Variants in EFCAB6 observed in about 807,000 individuals in gnomAD.
The protein encoded by EFCAB6 is EF-hand calcium-binding domain-containing protein 6.
In EFCAB6, 156 loss-of-function variants were observed where a neutral mutation model predicts 169.8. The observed-to-expected ratio is 0.92, with a 90% CI of 0.81 to 1.05. The LOEUF (loss-of-function observed/expected upper bound fraction) is 1.05, where lower values mean the gene tolerates loss of function less well. Among genes scored for constraint, EFCAB6 ranks in the 50% least tolerant of loss-of-function variants. The pLI, the probability that EFCAB6 is intolerant of heterozygous loss-of-function variation, is 0.00. For missense variants in EFCAB6, 1,800 were observed against 1,829.1 expected (o/e 0.98, Z 0.29); for synonymous variants, 698 against 676.4 (o/e 1.03, Z -0.50).
intron 27 of EFCAB6, among the ~76,000 whole-genome samples, chr22:43,542,223 G>A (rs2047774303): frequency 6.6e-6 from 1 of 152,232 alleles, no homozygotes; most frequent in Admixed American, 6.5e-5. Flanking sequence ...CAATCCCAGG[G>A]CTCCCACCTA....
chr22:43,782,447 T>C, intron 2 of EFCAB6, 122 bp from the exon 3 acceptor site: 1 of 800,490 alleles, frequency 1.2e-6, no homozygotes, highest in Non-Finnish European at 1.9e-6. Context: ...ATGCTAGTCA[T>C]AATCTGCTTT....
intron 20 of EFCAB6, among the ~76,000 whole-genome samples, chr22:43,616,501 A>G (rs2053697251): frequency 6.6e-6 from 1 of 152,174 alleles, no homozygotes; most frequent in South Asian, 2.1e-4. Context: ...CGTCTCTACT[A>G]AAAATACAAA....
Position 43,687,509 on chromosome 22 carries a change from C to T in EFCAB6, c.1104G>A (p.Leu368=), listed in dbSNP as rs771215348. The change falls in exon 11 of 32, where the codon TTG becomes TTA. Residue 368 remains leucine, a synonymous_variant. Coordinates refer to ENST00000262726, the MANE Select transcript of EFCAB6 (RefSeq NM_022785.4). ...FLTSFHEPQG[L]QVSSKGPLTK... is the part of the protein sequence containing the mutation. ...TCAGGGGACCTTTACTGCTAACTTGCAACCCCTGAGGCTCATGAAATGATG... is the reference window on the plus strand; with the variant it reads ...TCAGGGGACCTTTACTGCTAACTTGTAACCCCTGAGGCTCATGAAATGATG... 6.3e-6 allele frequency: 10 copies of T among 1,586,946 alleles called. No homozygotes were observed. The Admixed American group carries it at 1.2e-4, about 19-fold the overall frequency.
chr22:43,596,280 C>T (rs1401922348), intron 23 of EFCAB6, among the ~76,000 whole-genome samples: 1 of 151,730 alleles, frequency 6.6e-6, no homozygotes, highest in Non-Finnish European at 1.5e-5. Flanking sequence ...AAAGCGCATC[C>T]AAATTGGAAA....
intron 15 of EFCAB6, among the ~76,000 whole-genome samples, chr22:43,670,951 A>G (rs990137183): frequency 5.9e-5 from 9 of 152,232 alleles, no homozygotes; most frequent in Non-Finnish European, 1.3e-4. Context: ...GGCTTTGTGT[A>G]TAAGATCTCA....
chr22:43,587,604 C>T (rs2051163856), intron 24 of EFCAB6, among the ~76,000 whole-genome samples: 1 of 151,874 alleles, frequency 6.6e-6, no homozygotes, highest in Non-Finnish European at 1.5e-5. Context: ...GTCAAATCTC[C>T]CTCTGCCTCC....
intron 8 of EFCAB6, among the ~76,000 whole-genome samples, chr22:43,722,258 G>T (rs2059558742): frequency 6.6e-6 from 1 of 152,076 alleles, no homozygotes; most frequent in Non-Finnish European, 1.5e-5. Flanking sequence ...AGGGCGTGGT[G>T]GCTCACACCT....
chr22:43,536,234 C>A (rs895596606), intron 29 of EFCAB6: 1 of 152,076 alleles, frequency 6.6e-6, no homozygotes, highest in South Asian at 2.1e-4. Context: ...AACCAACATG[C>A]GTGTTTTGGC....
chr22:43,586,096 G>A (rs1410016552), intron 24 of EFCAB6, among the ~76,000 whole-genome samples: 1 of 151,958 alleles, frequency 6.6e-6, no homozygotes, highest in East Asian at 1.9e-4. Context: ...AATAAATAAC[G>A]GTAAAATAAC....
chr22:43,675,751 A>G (rs944354161), intron 13 of EFCAB6, among the ~76,000 whole-genome samples: 1 of 148,444 alleles, frequency 6.7e-6, no homozygotes, highest in Non-Finnish European at 1.5e-5. Flanking sequence ...TGTAATTGTA[A>G]AAATATAATA....
intron 26 of EFCAB6, among the ~76,000 whole-genome samples, chr22:43,574,236 T>G (rs1323624353): frequency 6.6e-6 from 1 of 152,084 alleles, no homozygotes; most frequent in African/African-American, 2.4e-5. Flanking sequence ...AGGGTACAAT[T>G]TAACGTTAAG....
At chr22:43,740,041 C>A (rs956961120) in intron 6 of EFCAB6, among the ~76,000 whole-genome samples, 1 of 151,818 alleles carries the variant, frequency 6.6e-6, no homozygotes, top group Admixed American at 6.6e-5. Context: ...CCACACCAGA[C>A]CCCACTGCTC....
chr22:43,799,329 CCACACACACA>C (rs112231545), intron 2 of EFCAB6, among the ~76,000 whole-genome samples: 1 of 146,546 alleles, frequency 6.8e-6, no homozygotes, highest in African/African-American at 2.5e-5. Context: ...GAATCTGTCT[CCACACACACA>C]CACACACACA....
At chr22:43,689,887 C>T (rs950642058) in intron 10 of EFCAB6, among the ~76,000 whole-genome samples, 25 of 152,146 alleles carry the variant, frequency 1.6e-4, no homozygotes, top group African/African-American at 5.6e-4. Context: ...AATTAAGTCT[C>T]TTTCTATGAT....
chr22:43,573,848 G>A (rs898997888), intron 26 of EFCAB6, among the ~76,000 whole-genome samples: 3 of 151,586 alleles, frequency 2.0e-5, no homozygotes, highest in Non-Finnish European at 4.4e-5. Context: ...ATTCCAAACA[G>A]TATATAATGG....
At chr22:43,610,588 C>G (rs1336185430) in intron 21 of EFCAB6, among the ~76,000 whole-genome samples, 9 of 152,172 alleles carry the variant, frequency 5.9e-5, no homozygotes, top group Admixed American at 5.9e-4. Flanking sequence ...TGGGCCTTTA[C>G]AGAAAAAGTG....
At chr22:43,589,942 G>T in intron 24 of EFCAB6, 132 bp downstream of exon 24, 2 of 1,202,462 alleles carry the variant, frequency 1.7e-6, no homozygotes, top group Non-Finnish European at 2.3e-6. Context: ...ATGTAACCCA[G>T]CAAACAGGAA....
At chr22:43,538,820 G>A (rs768867876) in intron 28 of EFCAB6, among the ~76,000 whole-genome samples, 2 of 152,218 alleles carry the variant, frequency 1.3e-5, no homozygotes, top group African/African-American at 2.4e-5. Flanking sequence ...TACTGCTGCT[G>A]TAACAGATTT....
chr22:43,708,020 A>G (rs1160348890), intron 10 of EFCAB6, among the ~76,000 whole-genome samples: 1 of 151,740 alleles, frequency 6.6e-6, no homozygotes, highest in African/African-American at 2.4e-5. Context: ...GAAAACCACT[A>G]TAAGAATAGA....
Sources: allele counts gnomAD v4.1 joint callset (sites outside exome capture counted in the v4.1 genomes callset), GRCh38; gene constraint gnomAD v4.1.1; transcripts MANE v1.5; gene names NCBI Gene and HGNC (gene_info 2026-07-23, HGNC 2026-07-21).